RBFOX2: variants seen among roughly 807,000 people sequenced by gnomAD.
RBFOX2 encodes the protein RNA binding protein fox-1 homolog 2.
RBFOX2 carries 10 observed loss-of-function variants against 49.1 expected under a neutral mutation model. That is an observed-to-expected ratio of 0.20 (90% CI 0.13 to 0.35). RBFOX2 has a LOEUF of 0.35. Ranked by LOEUF, RBFOX2 falls within the 10% of genes least tolerant of loss-of-function variation. The pLI, the probability that RBFOX2 is intolerant of heterozygous loss-of-function variation, is 1.00. For synonymous variants in RBFOX2, 183 were observed against 187.4 expected, an observed-to-expected ratio of 0.98 and a Z score of 0.19; for missense variants, 323 against 486.9, an observed-to-expected ratio of 0.66 and a Z score of 3.17.
chr22:36,016,847 G>A (rs1203003046), intron 1 of RBFOX2, among the ~76,000 whole-genome samples: 1 of 152,210 alleles, frequency 6.6e-6, no homozygotes, highest in African/African-American at 2.4e-5. Flanking sequence ...TAGATGCCAC[G>A]TAAGTGCAGG....
At chr22:35,971,890 T>C (rs2056890571) in intron 1 of RBFOX2, among the ~76,000 whole-genome samples, 1 of 147,034 alleles carries the variant, frequency 6.8e-6, no homozygotes, top group Non-Finnish European at 1.5e-5. Context: ...CCTAGCAGCC[T>C]TTCCTTTTTT....
chr22:35,920,741 A>C (rs754560086), intron 1 of RBFOX2, among the ~76,000 whole-genome samples: 14 of 152,210 alleles, frequency 9.2e-5, no homozygotes, highest in Admixed American at 2.0e-4. Flanking sequence ...GCAGCCATGA[A>C]ATGATGCAGC....
At chr22:35,768,080 T>C (rs1194691612) in intron 5 of RBFOX2, among the ~76,000 whole-genome samples, 177 bp downstream of exon 6, 1 of 151,974 alleles carries the variant, frequency 6.6e-6, no homozygotes, top group Non-Finnish European at 1.5e-5. Context: ...GGGAGGCAGA[T>C]AGAAGTGTTA....
At chr22:35,853,803 A>T (rs774065752) in intron 1 of RBFOX2, among the ~76,000 whole-genome samples, 1 of 152,128 alleles carries the variant, frequency 6.6e-6, no homozygotes, top group Non-Finnish European at 1.5e-5. Flanking sequence ...GTTCATACAC[A>T]TTTAAATTAG....
chr22:36,005,752 CA>C (rs1234786573), intron 1 of RBFOX2, among the ~76,000 whole-genome samples: 17 of 152,316 alleles, frequency 1.1e-4, no homozygotes, highest in African/African-American at 4.1e-4. Flanking sequence ...GTGGTCATTA[CA>C]GAATAAGAGG....
intron 1 of RBFOX2, among the ~76,000 whole-genome samples, chr22:35,814,348 A>G (rs1952532364): frequency 6.6e-6 from 1 of 152,080 alleles, no homozygotes; most frequent in African/African-American, 2.4e-5. Flanking sequence ...AATCATCTCT[A>G]TATTACTTAT....
chr22:35,751,316 TGAG>T (rs1721757736), intron 9 of RBFOX2, among the ~76,000 whole-genome samples: 1 of 152,042 alleles, frequency 6.6e-6, no homozygotes, highest in African/African-American at 2.4e-5. Flanking sequence ...TATGTGACAC[TGAG>T]GAGGAGAGTG....
At chr22:35,832,659 CCT>C (rs1957009365) in intron 1 of RBFOX2, among the ~76,000 whole-genome samples, 1 of 151,898 alleles carries the variant, frequency 6.6e-6, no homozygotes, top group African/African-American at 2.4e-5. Context: ...ATGGTGAAAC[CCT>C]GTCTCTACTA....
intron 2 of RBFOX2, among the ~76,000 whole-genome samples, chr22:35,786,170 T>A (rs1602747384): frequency 6.6e-6 from 1 of 152,218 alleles, no homozygotes; most frequent in Non-Finnish European, 1.5e-5. Flanking sequence ...TGAAAACTAA[T>A]GATTACTTCA....
chr22:35,794,455 G>A (rs573751331), intron 2 of RBFOX2, among the ~76,000 whole-genome samples: 3 of 152,120 alleles, frequency 2.0e-5, no homozygotes, highest in South Asian at 4.2e-4. Flanking sequence ...TCAGGAGATC[G>A]GGACCATCCT....
At chr22:35,933,926 T>TTTTATATA (rs372778968) in intron 1 of RBFOX2, among the ~76,000 whole-genome samples, 15 of 118,020 alleles carry the variant, frequency 1.3e-4, no homozygotes, top group South Asian at 2.5e-4. Flanking sequence ...TAATTAAATG[T>TTTTATATA]TATATATATA....
chr22:35,888,895 C>T (rs2046919041), intron 1 of RBFOX2, among the ~76,000 whole-genome samples: 1 of 152,148 alleles, frequency 6.6e-6, no homozygotes, highest in Admixed American at 6.5e-5. Flanking sequence ...TGACTAAGTC[C>T]TGTAATCCCA....
At chr22:35,939,666 AC>A, upstream of RBFOX2, among the ~76,000 whole-genome samples, 1 of 152,224 alleles carries the variant, frequency 6.6e-6, no homozygotes, top group Non-Finnish European at 1.5e-5. Flanking sequence ...TTCACTTTAA[AC>A]CACTAAGTCA....
At chr22:35,902,132 A>G (rs2048658650) in intron 1 of RBFOX2, among the ~76,000 whole-genome samples, 1 of 151,976 alleles carries the variant, frequency 6.6e-6, no homozygotes, top group African/African-American at 2.4e-5. Flanking sequence ...ATCTTTCCTT[A>G]TTACGTTTCA....
chr22:35,990,023 A>C (rs570646796), intron 1 of RBFOX2, among the ~76,000 whole-genome samples: 3 of 152,262 alleles, frequency 2.0e-5, no homozygotes, highest in African/African-American at 7.2e-5. Context: ...CTCTACTAAA[A>C]ATACAAAAAA....
At chr22:36,022,861 C>T (rs972774487) in intron 1 of RBFOX2, among the ~76,000 whole-genome samples, 2 of 152,126 alleles carry the variant, frequency 1.3e-5, no homozygotes, top group African/African-American at 4.8e-5. Context: ...TATCCACAAG[C>T]CAGAAGGTGG....
chr22:35,891,053 T>C (rs1159140493), intron 1 of RBFOX2, among the ~76,000 whole-genome samples: 2 of 152,156 alleles, frequency 1.3e-5, no homozygotes, highest in African/African-American at 4.8e-5. Context: ...CATATAAAAA[T>C]CATTATTATC....
chr22:35,944,874 G>A (rs1031005007), intron 1 of RBFOX2, among the ~76,000 whole-genome samples: 5 of 151,982 alleles, frequency 3.3e-5, no homozygotes, highest in South Asian at 2.1e-4. Context: ...TCAGGGATTC[G>A]AGACTAGCCT....
At chr22:35,968,039 TTTC>T (rs1158052911) in intron 1 of RBFOX2, among the ~76,000 whole-genome samples, 4 of 152,174 alleles carry the variant, frequency 2.6e-5, no homozygotes, top group East Asian at 1.9e-4. Flanking sequence ...CCCGAAACTT[TTTC>T]TTAAGTGTTT....
Sources: gnomAD v4.1 joint callset for allele counts (sites outside exome capture counted in the v4.1 genomes callset) on GRCh38, gnomAD v4.1.1 for gene constraint, MANE v1.5 for transcripts, NCBI Gene and HGNC (gene_info 2026-07-23, HGNC 2026-07-21) for gene names.